The following KCNMA1 variants were observed in gnomAD, a reference collection of about 807,000 sequenced individuals.
The protein encoded by KCNMA1 is Calcium-activated potassium channel subunit alpha-1.
KCNMA1 carries 29 observed loss-of-function variants against 140.0 expected under a neutral mutation model. The ratio of observed to expected loss-of-function variants is 0.21; its 90% CI spans 0.15 to 0.28. The LOEUF is 0.28. Ranked by LOEUF, KCNMA1 falls within the 10% of genes least tolerant of loss-of-function variation. The probability of loss-of-function intolerance (pLI) is 1.00; values close to 1 mark genes in which losing one functional copy is unlikely to be tolerated. For synonymous variants in KCNMA1, 612 were observed against 611.9 expected (o/e 1.00, Z 0.00); for missense variants, 880 against 1,602.2 (o/e 0.55, Z 7.70).
intron 19 of KCNMA1, among the ~76,000 whole-genome samples, chr10:76,992,012 T>C (rs1311801627): frequency 1.3e-5 from 2 of 152,216 alleles, no homozygotes; most frequent in Non-Finnish European, 1.5e-5. Context: ...TCATCCCTAA[T>C]GCAGATCTGC....
At chr10:77,153,336 T>A (rs1015833094) in intron 5 of KCNMA1, among the ~76,000 whole-genome samples, 1 of 152,162 alleles carries the variant, frequency 6.6e-6, no homozygotes, top group Non-Finnish European at 1.5e-5. Context: ...TTTCCTTAAC[T>A]ACACCCAAAT....
chr10:76,873,422 T>C (rs1430960551), downstream of KCNMA1: 2 of 152,192 alleles, frequency 1.3e-5, no homozygotes, highest in African/African-American at 2.4e-5. Flanking sequence ...AAATCATCTC[T>C]GCTGGATTAA....
At chr10:77,058,012 A>G (rs1324185844) in intron 14 of KCNMA1, among the ~76,000 whole-genome samples, 1 of 152,004 alleles carries the variant, frequency 6.6e-6, no homozygotes, top group Non-Finnish European at 1.5e-5. Context: ...TAAACTGTCT[A>G]TAAGAAGATC....
In KCNMA1 at chr10:77,421,787, C is replaced by T. The variant is rs2096871872; in HGVS notation, c.379-17764G>A. ...GCTCCTGCACTAGACTATCAGTTTC[C>T]TAGAGACGGAAGCCACGTCTTGTTC... is the stretch of plus-strand genomic sequence containing the variant. On this transcript the variant is annotated intron_variant, in intron 1 of 27. Transcript: ENST00000286628. Among the ~76,000 whole-genome samples the T allele has an allele frequency of 7.2e-5, 11 of 152,236 alleles. No homozygotes were observed. In the South Asian group the frequency reaches 2.3e-3, roughly 32 times the overall value.
At chr10:77,333,617 G>T (rs2087571334) in intron 2 of KCNMA1, among the ~76,000 whole-genome samples, 1 of 152,124 alleles carries the variant, frequency 6.6e-6, no homozygotes, top group South Asian at 2.1e-4. Context: ...CTCATTCTGG[G>T]CTCAAAATAA....
chr10:77,046,039 GT>G (rs2095034493), intron 14 of KCNMA1, among the ~76,000 whole-genome samples: 1 of 152,170 alleles, frequency 6.6e-6, no homozygotes, highest in Non-Finnish European at 1.5e-5. Flanking sequence ...TGACCATTAT[GT>G]TAATAGCTGC....
chr10:77,482,483 G>C (rs1347149049), intron 1 of KCNMA1, among the ~76,000 whole-genome samples: 1 of 152,200 alleles, frequency 6.6e-6, no homozygotes, highest in Non-Finnish European at 1.5e-5. Context: ...TTCTGTCTCT[G>C]ACCACGCAGC....
At chr10:77,084,527 T>C (rs2096650775) in intron 12 of KCNMA1, 110 bp downstream of exon 12, 1 of 846,126 alleles carries the variant, frequency 1.2e-6, no homozygotes, top group Non-Finnish European at 2.0e-6. Flanking sequence ...TACAGTGGCT[T>C]GTGGGGCAAA....
intron 16 of KCNMA1, among the ~76,000 whole-genome samples, chr10:77,021,767 G>GT (rs1454861486): frequency 6.6e-6 from 1 of 152,172 alleles, no homozygotes; most frequent in Non-Finnish European, 1.5e-5. Context: ...CATGTGAGGT[G>GT]TAAGGCAGAA....
At position 77,047,611 on chromosome 10, in the gene KCNMA1, A is replaced by G. The variant is rs573602884; in HGVS notation, c.1750-7974T>C. Among the ~76,000 whole-genome samples the G allele has an allele frequency of 9.3e-4, 138 of 147,792 alleles. 1 individual carries two copies. Among genetic ancestry groups the G allele is most frequent in the Admixed American group, 3.1e-3 (46 of 14,870 alleles). ...GTCTTTTTTTTTTTTTTTTTAACACATAGAAGGTTTTGCCACCCTATCCTC... is the reference window on the plus strand; with the variant it reads ...GTCTTTTTTTTTTTTTTTTTAACACGTAGAAGGTTTTGCCACCCTATCCTC... On this transcript the variant is annotated intron_variant, in intron 14 of 27. Transcript: ENST00000286628.
chr10:77,413,692 G>A lies in KCNMA1; in HGVS notation c.379-9669C>T, dbSNP rs76422738. 9.1e-3 allele frequency among the ~76,000 whole-genome samples: 1,385 copies of A among 152,228 alleles called. 27 individuals are homozygous for A. The highest frequency in any genetic ancestry group is 0.032 in the African/African-American group (1,315 of 41,520). On this transcript the variant is annotated intron_variant, in intron 1 of 27. Coordinates refer to ENST00000286628, the MANE Select transcript of KCNMA1 (RefSeq NM_001161352.2). ...ACTTCTGCCCCTGGGAAGTTGCATA[G>A]TCCAACCTCTCCCTGGCTGCCATCA...
chr10:77,040,077 G>A (rs899352232), intron 14 of KCNMA1, among the ~76,000 whole-genome samples: 11 of 149,844 alleles, frequency 7.3e-5, no homozygotes, highest in Admixed American at 4.0e-4. Flanking sequence ...ACAGAGTCTT[G>A]CTATGTTGCC....
intron 23 of KCNMA1, among the ~76,000 whole-genome samples, chr10:76,938,184 G>C (rs1269648118): frequency 6.6e-6 from 1 of 152,100 alleles, no homozygotes; most frequent in Non-Finnish European, 1.5e-5. Context: ...TGAGCAATGG[G>C]CCAGATTGCT....
intron 19 of KCNMA1, among the ~76,000 whole-genome samples, chr10:76,984,536 T>C (rs2080628120): frequency 6.6e-6 from 1 of 152,168 alleles, no homozygotes; most frequent in Non-Finnish European, 1.5e-5. Context: ...ACTAAGGTGA[T>C]TTTTATATAA....
chr10:76,897,332 T>C (rs1231405063), intron 25 of KCNMA1, among the ~76,000 whole-genome samples: 2 of 151,552 alleles, frequency 1.3e-5, no homozygotes. Flanking sequence ...CCTAGACCTG[T>C]ACTCGGTGAA....
chr10:76,949,405 C>T (rs375040917), intron 21 of KCNMA1, 39 bp from the exon 22 acceptor site: 28 of 1,478,848 alleles, frequency 1.9e-5, no homozygotes, highest in Non-Finnish European at 2.4e-5. Context: ...AGAGAGAAGA[C>T]TGCATAGGGC....
chr10:76,937,693 T>C (rs1318463175), intron 23 of KCNMA1, among the ~76,000 whole-genome samples: 1 of 152,210 alleles, frequency 6.6e-6, no homozygotes, highest in East Asian at 1.9e-4. Context: ...CATCTCAGAC[T>C]TTAGGATAGG....
intron 1 of KCNMA1, among the ~76,000 whole-genome samples, chr10:77,588,296 G>A (rs1002852797): frequency 6.6e-6 from 1 of 152,182 alleles, no homozygotes; most frequent in East Asian, 1.9e-4. Flanking sequence ...AGTTAGGAGG[G>A]AGAGGGGGAT....
chr10:76,875,690 A>C (rs1018050179), downstream of KCNMA1: 5 of 152,254 alleles, frequency 3.3e-5, no homozygotes, highest in East Asian at 9.6e-4. Flanking sequence ...TTCACGAAGG[A>C]AAGAAGAGCG....
Sources: gnomAD v4.1 joint callset for allele counts (sites outside exome capture counted in the v4.1 genomes callset) on GRCh38, gnomAD v4.1.1 for gene constraint, MANE v1.5 for transcripts, NCBI Gene and HGNC (gene_info 2026-07-23, HGNC 2026-07-21) for gene names.